Variants in ATXN1 observed in about 807,000 individuals in gnomAD.
ATXN1 encodes ataxin 1.
Under a neutral mutation model 56.4 loss-of-function variants are expected in ATXN1, and 8 were observed. The ratio of observed to expected loss-of-function variants is 0.14; its 90% CI spans 0.08 to 0.26. The LOEUF (loss-of-function observed/expected upper bound fraction) is 0.26. ATXN1 is among the 10% of genes least tolerant of loss of function. ATXN1 has a pLI of 1.00. For synonymous variants in ATXN1, 514 were observed against 494.6 expected, an observed-to-expected ratio of 1.04 and a Z score of -0.52; for missense variants, 987 against 1,106.5, an observed-to-expected ratio of 0.89 and a Z score of 1.53.
intron 2 of ATXN1, among the ~76,000 whole-genome samples, chr6:16,668,311 A>G (rs1758472872): frequency 6.6e-6 from 1 of 151,834 alleles, no homozygotes; most frequent in Admixed American, 6.6e-5. Flanking sequence ...GTCATTTAGC[A>G]TTAGGTATAT....
rs140939806 is a variant in ATXN1, at chr6:16,375,107, G to A, written c.-160-46637C>T. Among the ~76,000 whole-genome samples the A allele has an allele frequency of 3.0e-4, 46 of 152,332 alleles. 1 individual carries two copies. The highest frequency in any genetic ancestry group is 9.4e-4 in the African/African-American group (39 of 41,578). On this transcript the variant is annotated intron_variant, in intron 6 of 7. Coordinates refer to ENST00000436367, the MANE Select transcript of ATXN1 (RefSeq NM_001128164.2). ...AAGAAAGGCAAGGCTGAAGAAAGCC[G>A]AGGCATTCTGCCCTCTCCCAGCAAA...
intron 6 of ATXN1, among the ~76,000 whole-genome samples, chr6:16,471,414 C>G (rs1405463221): frequency 6.6e-6 from 1 of 152,108 alleles, no homozygotes; most frequent in Non-Finnish European, 1.5e-5. Flanking sequence ...CTCGGCATTC[C>G]TGAGTTTGCT....
intron 6 of ATXN1, among the ~76,000 whole-genome samples, chr6:16,415,271 C>G (rs1192250160): frequency 6.6e-6 from 1 of 152,138 alleles, no homozygotes; most frequent in East Asian, 1.9e-4. Flanking sequence ...ACTCTGTCGC[C>G]CAGACTGGAG....
At chr6:16,688,408 G>C (rs535395317) in intron 2 of ATXN1, among the ~76,000 whole-genome samples, 1 of 152,300 alleles carries the variant, frequency 6.6e-6, no homozygotes, top group African/African-American at 2.4e-5. Flanking sequence ...CAACTCCAGA[G>C]GCAAGGTGGT....
intron 7 of ATXN1, among the ~76,000 whole-genome samples, chr6:16,315,718 A>G (rs1159824932): frequency 6.6e-6 from 1 of 152,146 alleles, no homozygotes; most frequent in Non-Finnish European, 1.5e-5. Context: ...GCTGGAGTAC[A>G]GTAGCATGAT....
chr6:16,695,283 T>C (rs1311131637), intron 2 of ATXN1, among the ~76,000 whole-genome samples: 1 of 152,222 alleles, frequency 6.6e-6, no homozygotes, highest in Non-Finnish European at 1.5e-5. Flanking sequence ...AAAAATCTGT[T>C]TCATGAGAAA....
Position 16,304,845 on chromosome 6 carries a change from A to G in ATXN1, c.*1484T>C, listed in dbSNP as rs1760203741. On this transcript the variant is annotated 3_prime_UTR_variant, in exon 8 of 8. Transcript: ENST00000436367. ...TTCATCTTAAAAAGAAAAACACTGG[A>G]CAAAAATGAGTATTCTCTTCTCCAT... 1 of 152,676 alleles carries G rather than the reference A, an allele frequency of 6.5e-6. No individual in the cohort carries two copies. The highest frequency in any genetic ancestry group is 2.1e-4 in the South Asian group (1 of 4,832). The allele number at this position is 152,676 out of a possible 1,614,324, so 9.5% of individuals were successfully genotyped here.
intron 5 of ATXN1, among the ~76,000 whole-genome samples, chr6:16,487,641 TAAACAA>T (rs1760575683): frequency 6.6e-6 from 1 of 152,156 alleles, no homozygotes; most frequent in South Asian, 2.1e-4. Flanking sequence ...GAATACATGG[TAAACAA>T]AATAGCCCAG....
At chr6:16,662,660 A>G (rs1182579080) in intron 2 of ATXN1, among the ~76,000 whole-genome samples, 3 of 152,182 alleles carry the variant, frequency 2.0e-5, no homozygotes, top group African/African-American at 7.2e-5. Context: ...AACCTGCCAC[A>G]TAGCTCTACA....
At chr6:16,504,961 C>T (rs575938092) in intron 5 of ATXN1, among the ~76,000 whole-genome samples, 1 of 151,332 alleles carries the variant, frequency 6.6e-6, no homozygotes, top group African/African-American at 2.4e-5. Flanking sequence ...GAGCCCACCT[C>T]CTCCTCCTCC....
chr6:16,633,777 T>C (rs565390579), intron 3 of ATXN1, among the ~76,000 whole-genome samples: 2 of 152,272 alleles, frequency 1.3e-5, no homozygotes, highest in South Asian at 4.1e-4. Context: ...GAAGCAATGA[T>C]AGTGACAGCT....
chr6:16,724,457 G>A (rs1424761083), intron 2 of ATXN1, among the ~76,000 whole-genome samples: 1 of 152,108 alleles, frequency 6.6e-6, no homozygotes, highest in Non-Finnish European at 1.5e-5. Context: ...ACCCCTGAGA[G>A]ACGACCTGTG....
At chr6:16,555,766 G>A (rs891716511) in intron 4 of ATXN1, among the ~76,000 whole-genome samples, 3 of 152,198 alleles carry the variant, frequency 2.0e-5, no homozygotes, top group Non-Finnish European at 2.9e-5. Flanking sequence ...TATGGAGTCA[G>A]CCTAAACTCC....
At chr6:16,435,125 G>C (rs1319381698) in intron 6 of ATXN1, among the ~76,000 whole-genome samples, 3 of 152,196 alleles carry the variant, frequency 2.0e-5, no homozygotes, top group Non-Finnish European at 1.5e-5. Context: ...GATGCCAATG[G>C]CTGAGATGGG....
At chr6:16,465,885 C>T (rs1340051524) in intron 6 of ATXN1, among the ~76,000 whole-genome samples, 3 of 152,122 alleles carry the variant, frequency 2.0e-5, no homozygotes, top group African/African-American at 7.2e-5. Flanking sequence ...AGGCCCACTA[C>T]AGGTGAGGTC....
intron 4 of ATXN1, among the ~76,000 whole-genome samples, chr6:16,582,052 G>A (rs545240136): frequency 3.9e-5 from 6 of 152,282 alleles, no homozygotes; most frequent in African/African-American, 9.6e-5. Flanking sequence ...TAGACAGTAC[G>A]CTTCTCTCCT....
intron 2 of ATXN1, chr6:16,739,494 C>A (rs1760256521): frequency 4.2e-6 from 1 of 240,316 alleles, no homozygotes; most frequent in Non-Finnish European, 8.8e-6. Context: ...TGAGCTAATG[C>A]CAAGATGGAA....
At chr6:16,336,242 G>T (rs1439509047) in intron 6 of ATXN1, among the ~76,000 whole-genome samples, 1 of 152,148 alleles carries the variant, frequency 6.6e-6, no homozygotes, top group Non-Finnish European at 1.5e-5. Flanking sequence ...ACCCAACCAT[G>T]ATGCGGGTTA....
chr6:16,316,574 G>A (rs1760513047), intron 7 of ATXN1, among the ~76,000 whole-genome samples: 1 of 151,610 alleles, frequency 6.6e-6, no homozygotes, highest in African/African-American at 2.4e-5. Flanking sequence ...GTGAAACCCT[G>A]TCTCTACTAA....
Sources: allele counts gnomAD v4.1 joint callset (sites outside exome capture counted in the v4.1 genomes callset), GRCh38; gene constraint gnomAD v4.1.1; transcripts MANE v1.5; gene names NCBI Gene and HGNC (gene_info 2026-07-23, HGNC 2026-07-21).